The following MYO18B variants were observed in gnomAD, a reference collection of about 807,000 sequenced individuals.
MYO18B encodes myosin XVIIIB, also known as unconventional myosin-XVIIIb.
A neutral mutation model predicts 273.0 loss-of-function variants in MYO18B; 204 were observed. The observed-to-expected ratio is 0.75, with a 90% CI of 0.67 to 0.84. MYO18B has a LOEUF of 0.84. Ranked by LOEUF, MYO18B falls within the 40% of genes least tolerant of loss-of-function variation. MYO18B has a pLI of 0.00. For synonymous variants in MYO18B, 1,330 were observed against 1,305.7 expected, an observed-to-expected ratio of 1.02 and a Z score of -0.40; for missense variants, 3,212 against 3,287.6, an observed-to-expected ratio of 0.98 and a Z score of 0.56.
At chr22:25,806,468 A>G (rs1192533072) in intron 12 of MYO18B, among the ~76,000 whole-genome samples, 1 of 152,190 alleles carries the variant, frequency 6.6e-6, no homozygotes, top group African/African-American at 2.4e-5. Flanking sequence ...CTCTGCCTGC[A>G]TAGTATCCAC....
chr22:25,887,098 C>T (rs1025769014), intron 25 of MYO18B, among the ~76,000 whole-genome samples: 2 of 152,122 alleles, frequency 1.3e-5, no homozygotes, highest in Non-Finnish European at 2.9e-5. Flanking sequence ...GTCTGCAGGT[C>T]AGATGGTTTT....
chr22:25,792,394 G>C (rs893060511), intron 11 of MYO18B, among the ~76,000 whole-genome samples: 1 of 150,142 alleles, frequency 6.7e-6, no homozygotes, highest in African/African-American at 2.4e-5. Context: ...GGGTAGGGCA[G>C]CTCCTGGCTG....
chr22:25,882,299 C>G (rs1030561143), intron 25 of MYO18B, among the ~76,000 whole-genome samples: 3 of 151,696 alleles, frequency 2.0e-5, no homozygotes, highest in Non-Finnish European at 4.4e-5. Flanking sequence ...ACTGAACTTC[C>G]TAGCAGCGAA....
the MYO18B span, among the ~76,000 whole-genome samples, chr22:26,039,123 T>A: frequency 6.6e-6 from 1 of 152,296 alleles, no homozygotes; most frequent in East Asian, 1.9e-4. Flanking sequence ...CTGCCTGCTC[T>A]GTTCTTGGTG....
In MYO18B at chr22:25,788,008, C is replaced by G. The variant is rs531212346; in HGVS notation, c.2376+2517C>G. On this transcript the variant is annotated intron_variant, in intron 11 of 43. Coordinates refer to ENST00000335473, the MANE Select transcript of MYO18B (RefSeq NM_032608.7). The stretch of plus-strand genomic sequence containing the variant: ...TCCTCTGAGCTTTCCCCCAACCTGA[C>G]CTGTTTGTTAACAGTCTGCATAAAG... Among the ~76,000 whole-genome samples, 6 of 152,336 alleles carry G rather than the reference C, an allele frequency of 3.9e-5. No individual in the cohort carries two copies. The South Asian group carries it at 1.0e-3, about 26-fold the overall frequency.
intron 22 of MYO18B, among the ~76,000 whole-genome samples, chr22:25,869,470 A>C (rs921646182): frequency 8.2e-4 from 112 of 136,772 alleles, no homozygotes; most frequent in Middle Eastern, 3.6e-3. Flanking sequence ...AAAAAAAAAA[A>C]AAAGAAGGAA....
intron 21 of MYO18B, 48 bp downstream of exon 21, chr22:25,851,627 G>A: frequency 7.4e-7 from 1 of 1,345,544 alleles, no homozygotes; most frequent in Non-Finnish European, 1.0e-6. Flanking sequence ...ATATGGATAT[G>A]TTGGTTATTG....
intron 12 of MYO18B, among the ~76,000 whole-genome samples, chr22:25,805,941 C>T (rs186127964): frequency 2.4e-4 from 36 of 152,318 alleles, no homozygotes; most frequent in African/African-American, 7.2e-4. Flanking sequence ...ATGCTCCAGG[C>T]ATTCCCTGGC....
Position 26,030,519 on chromosome 22 carries a change from G to A in MYO18B, c.*89G>A, listed in dbSNP as rs1936612460. On this transcript the variant is annotated 3_prime_UTR_variant, in exon 44 of 44. Coordinates refer to ENST00000335473, the MANE Select transcript of MYO18B (RefSeq NM_032608.7). ...CAGAGAGACTGGCCAGGCCTCCCCG[G>A]TGGCCAGAGCCAGCCAGCATGGCCA... 1 of 171,682 alleles carries A rather than the reference G, an allele frequency of 5.8e-6. No homozygotes were observed. The highest frequency in any genetic ancestry group is 2.0e-4 in the South Asian group (1 of 5,008). The allele number at this position is 171,682 out of a possible 1,614,324, so 10.6% of individuals were successfully genotyped here.
intron 39 of MYO18B, among the ~76,000 whole-genome samples, chr22:25,979,702 A>G (rs1328576121): frequency 6.6e-6 from 1 of 152,176 alleles, no homozygotes; most frequent in Non-Finnish European, 1.5e-5. Context: ...AAGGAACTTT[A>G]GAGAGATTTC....
At chr22:25,959,785 G>A (rs1327301121) in intron 39 of MYO18B, among the ~76,000 whole-genome samples, 2 of 152,118 alleles carry the variant, frequency 1.3e-5, no homozygotes, top group African/African-American at 4.8e-5. Flanking sequence ...GGTTGTCCAG[G>A]GCTGCAGGGT....
chr22:25,972,459 C>A (rs1472247236), intron 39 of MYO18B, among the ~76,000 whole-genome samples: 1 of 152,188 alleles, frequency 6.6e-6, no homozygotes, highest in Non-Finnish European at 1.5e-5. Context: ...TATGGCTTTA[C>A]TTTTCAAAAT....
intron 34 of MYO18B, among the ~76,000 whole-genome samples, chr22:25,922,213 C>A (rs1053789989): frequency 1.3e-5 from 2 of 152,152 alleles, no homozygotes; most frequent in African/African-American, 4.8e-5. Context: ...AGGATTTGAA[C>A]CCAGGTCTTC....
intron 22 of MYO18B, among the ~76,000 whole-genome samples, chr22:25,870,765 G>A (rs933375142): frequency 3.3e-5 from 5 of 152,156 alleles, no homozygotes; most frequent in Admixed American, 2.6e-4. Context: ...CTGGAGGGGG[G>A]CAGGGCTGGC....
intron 36 of MYO18B, 105 bp downstream of exon 36, chr22:25,947,933 T>A: frequency 1.3e-6 from 1 of 789,770 alleles, no homozygotes; most frequent in Non-Finnish European, 2.1e-6. Flanking sequence ...TCTTAACATC[T>A]TGGAGGGATA....
chr22:26,003,313 A>T lies in MYO18B; in HGVS notation c.6332+4A>T. The T allele has an allele frequency of 6.2e-7, 1 of 1,604,922 alleles. No individual in the cohort carries two copies. Among genetic ancestry groups the T allele is most frequent in the East Asian group, 2.2e-5 (1 of 44,504 alleles). On this transcript the variant is annotated splice_donor_region_variant and intron_variant, in intron 41 of 43. Transcript: ENST00000335473. ...GCAGCAGCGGCCGAAAAGAGATGTA[A>T]GTTAACCCCAGGTAGAACTGAGCAG...
In MYO18B at chr22:25,856,295, G is replaced by T. The variant is rs180818886; in HGVS notation, c.3885+4716G>T. ...ATTTGCATTTTCCTCATGATTAGGG[G>T]TGTTGAGCATCTTTTCATGTTCACA... On this transcript the variant is annotated intron_variant, in intron 21 of 43. Coordinates refer to ENST00000335473, the MANE Select transcript of MYO18B (RefSeq NM_032608.7). 5.9e-3 allele frequency among the ~76,000 whole-genome samples: 903 copies of T among 152,334 alleles called. 7 individuals carry two copies. The highest frequency in any genetic ancestry group is 0.011 in the Non-Finnish European group (762 of 68,036).
chr22:25,870,112 C>G (rs1476620954), intron 22 of MYO18B, among the ~76,000 whole-genome samples: 2 of 152,192 alleles, frequency 1.3e-5, no homozygotes, highest in African/African-American at 4.8e-5. Context: ...TATCTGTAGC[C>G]AAGGGTTCAG....
the MYO18B span, among the ~76,000 whole-genome samples, chr22:26,061,398 C>T: frequency 6.6e-6 from 1 of 152,154 alleles, no homozygotes; most frequent in Non-Finnish European, 1.5e-5. Flanking sequence ...CTGTTTTCCA[C>T]CTTGATGGGG....
Sources: gnomAD v4.1 joint callset for allele counts (sites outside exome capture counted in the v4.1 genomes callset) on GRCh38, gnomAD v4.1.1 for gene constraint, MANE v1.5 for transcripts, NCBI Gene and HGNC (gene_info 2026-07-23, HGNC 2026-07-21) for gene names.